RPH3A: variants seen among roughly 807,000 people sequenced by gnomAD.
RPH3A encodes the protein rabphilin 3A.
Under a neutral mutation model 102.2 loss-of-function variants are expected in RPH3A, and 48 were observed. The observed-to-expected ratio is 0.47, with a 90% CI of 0.37 to 0.60. RPH3A has a LOEUF of 0.60. Among genes scored for constraint, RPH3A ranks in the 20% least tolerant of loss-of-function variants. RPH3A has a pLI of 0.00. For missense variants in RPH3A, 781 were observed against 910.1 expected (o/e 0.86, Z 1.83); for synonymous variants, 310 against 324.3 (o/e 0.96, Z 0.47).
chr12:112,831,687 G>A, intron 3 of RPH3A: 3 of 380,564 alleles, frequency 7.9e-6, no homozygotes, highest in South Asian at 3.9e-5. Flanking sequence ...AATTCTGTTG[G>A]TAAGCTCTCT....
Position 112,806,665 on chromosome 12 carries a change from T to A in RPH3A, c.-19+14402T>A, listed in dbSNP as rs372932798. ...AAAAAACAAAAAAGAAGGAACTGAT[T>A]TTTTGTTTTCTGAGGAATATTTGAT... On this transcript the variant is annotated intron_variant, in intron 2 of 21. Coordinates refer to ENST00000389385, the MANE Select transcript of RPH3A (RefSeq NM_001143854.2). 1.2e-4 allele frequency among the ~76,000 whole-genome samples: 18 copies of A among 152,142 alleles called. No individual in the cohort carries two copies. The East Asian group carries it at 2.1e-3, about 18-fold the overall frequency.
chr12:112,834,093 A>G (rs2042013292), intron 3 of RPH3A, among the ~76,000 whole-genome samples: 1 of 152,190 alleles, frequency 6.6e-6, no homozygotes, highest in Non-Finnish European at 1.5e-5. Context: ...ATCCATTGCC[A>G]AAACTTCTTT....
intron 10 of RPH3A, among the ~76,000 whole-genome samples, chr12:112,873,572 C>A (rs755447761): frequency 1.3e-5 from 2 of 152,214 alleles, no homozygotes; most frequent in Admixed American, 1.3e-4. Context: ...CCTCTTGGAG[C>A]GGCTTATTCT....
chr12:112,674,307 C>T (rs2040156766), intron 1 of RPH3A, among the ~76,000 whole-genome samples: 1 of 152,108 alleles, frequency 6.6e-6, no homozygotes, highest in Non-Finnish European at 1.5e-5. Context: ...AATGAAGGCT[C>T]AGAGACTCAG....
At chr12:112,836,799 C>T (rs1565910037) in intron 4 of RPH3A, among the ~76,000 whole-genome samples, 1 of 152,148 alleles carries the variant, frequency 6.6e-6, no homozygotes, top group Non-Finnish European at 1.5e-5. Context: ...CCACTCAGTG[C>T]CCTTGTTTCT....
At chr12:112,583,713 G>C (rs1270772844) in intron 1 of RPH3A, among the ~76,000 whole-genome samples, 4 of 152,126 alleles carry the variant, frequency 2.6e-5, no homozygotes, top group Non-Finnish European at 5.9e-5. Context: ...GGCCATGCGC[G>C]GTGGCTCATG....
intron 3 of RPH3A, among the ~76,000 whole-genome samples, chr12:112,835,178 C>T (rs2042027499): frequency 6.6e-6 from 1 of 152,182 alleles, no homozygotes; most frequent in African/African-American, 2.4e-5. Flanking sequence ...ACAAGTTTTA[C>T]AGTTTTGAAG....
intron 1 of RPH3A, among the ~76,000 whole-genome samples, chr12:112,667,883 T>C (rs1365508558): frequency 6.6e-6 from 1 of 152,122 alleles, no homozygotes; most frequent in Non-Finnish European, 1.5e-5. Flanking sequence ...TTGCTCCCCA[T>C]TGGAACAGTG....
chr12:112,868,467 T>C lies in RPH3A; in HGVS notation c.482T>C (p.Phe161Ser). The C allele has an allele frequency of 6.2e-7, 1 of 1,614,036 alleles. No individual in the cohort carries two copies. The highest frequency in any genetic ancestry group is 8.5e-7 in the Non-Finnish European group (1 of 1,179,976). Reference protein sequence around the residue: ...KRSGAWFFKGFPKQVLPQPMP... With the variant: ...KRSGAWFFKGSPKQVLPQPMP... ...TCTGGAGCGTGGTTCTTCAAAGGCT[T>C]CCCCAAACAGGTCCTCCCACAGCCT... The change falls in exon 8 of 22, where the codon TTC becomes TCC. Residue 161 changes from phenylalanine to serine, a missense_variant. Transcript: ENST00000389385.
chr12:112,685,793 T>G (rs1272278859), intron 1 of RPH3A, among the ~76,000 whole-genome samples: 2 of 152,216 alleles, frequency 1.3e-5, no homozygotes, highest in Non-Finnish European at 2.9e-5. Flanking sequence ...TCTTTCATGC[T>G]GGAGGATTTC....
chr12:112,605,371 T>C (rs1040377886), intron 1 of RPH3A, among the ~76,000 whole-genome samples: 3 of 151,998 alleles, frequency 2.0e-5, no homozygotes, highest in African/African-American at 7.3e-5. Flanking sequence ...CAAGACTCCA[T>C]CTCAAACAAA....
At chr12:112,805,129 T>C (rs2041433761) in intron 2 of RPH3A, among the ~76,000 whole-genome samples, 1 of 152,228 alleles carries the variant, frequency 6.6e-6, no homozygotes, top group Admixed American at 6.5e-5. Flanking sequence ...TTGCAATGTA[T>C]GGTAGCATTT....
At chr12:112,883,261 A>C in intron 15 of RPH3A, 32 bp from the exon 16 acceptor site, 1 of 1,555,462 alleles carries the variant, frequency 6.4e-7, no homozygotes, top group Non-Finnish European at 8.9e-7. Flanking sequence ...CCACTGAGGT[A>C]GGTGTCTCTG....
At chr12:112,840,558 C>T (rs1040368601) in intron 4 of RPH3A, among the ~76,000 whole-genome samples, 1 of 152,050 alleles carries the variant, frequency 6.6e-6, no homozygotes, top group African/African-American at 2.4e-5. Context: ...CCCAGAAATC[C>T]GCATTCTGGC....
chr12:112,710,414 C>T (rs1053124192), intron 1 of RPH3A, among the ~76,000 whole-genome samples: 1 of 152,132 alleles, frequency 6.6e-6, no homozygotes, highest in Non-Finnish European at 1.5e-5. Context: ...GTAGGAGGGG[C>T]GGTTTGAAGC....
intron 1 of RPH3A, among the ~76,000 whole-genome samples, chr12:112,665,705 A>ATTTATCC (rs774068966): frequency 6.6e-5 from 10 of 152,180 alleles, no homozygotes; most frequent in Non-Finnish European, 5.9e-5. Context: ...CTTTCCTCAA[A>ATTTATCC]TTTCTTTTAT....
At chr12:112,826,916 A>C (rs929821940) in intron 2 of RPH3A, among the ~76,000 whole-genome samples, 1 of 152,152 alleles carries the variant, frequency 6.6e-6, no homozygotes, top group Non-Finnish European at 1.5e-5. Flanking sequence ...ATGTCTTAGA[A>C]CATAAGCACT....
chr12:112,869,846 A>G (rs1463618846), intron 9 of RPH3A, 47 bp from the exon 10 acceptor site: 1 of 1,613,994 alleles, frequency 6.2e-7, no homozygotes, highest in Non-Finnish European at 8.5e-7. Context: ...AATTCACCTA[A>G]TTCCCTCGAT....
intron 2 of RPH3A, among the ~76,000 whole-genome samples, chr12:112,797,105 A>G (rs1312368146): frequency 6.6e-6 from 1 of 152,160 alleles, no homozygotes; most frequent in Non-Finnish European, 1.5e-5. Flanking sequence ...ACATAATGTG[A>G]TCTTTGGTGG....
Sources: gnomAD v4.1 joint callset for allele counts (sites outside exome capture counted in the v4.1 genomes callset) on GRCh38, gnomAD v4.1.1 for gene constraint, MANE v1.5 for transcripts, NCBI Gene and HGNC (gene_info 2026-07-23, HGNC 2026-07-21) for gene names.